The following LY86 variants were observed in gnomAD, a reference collection of about 807,000 sequenced individuals.
LY86 encodes the protein MD-1, RP105-associated.
Under a neutral mutation model 17.3 loss-of-function variants are expected in LY86, and 20 were observed. The observed-to-expected ratio is 1.15, with a 90% CI of 0.81 to 1.68. The LOEUF (loss-of-function observed/expected upper bound fraction) is 1.68, where lower values mean the gene tolerates loss of function less well. LY86 is among the 40% of genes most tolerant of loss of function. The probability of loss-of-function intolerance (pLI) is 0.00; values close to 1 mark genes in which losing one functional copy is unlikely to be tolerated. For synonymous variants in LY86, 74 were observed against 70.6 expected (o/e 1.05, Z -0.24); for missense variants, 200 against 191.9 (o/e 1.04, Z -0.25).
chr6:6,607,920 A>G (rs1761233357), intron 1 of LY86, among the ~76,000 whole-genome samples: 1 of 152,200 alleles, frequency 6.6e-6, no homozygotes, highest in Non-Finnish European at 1.5e-5. Flanking sequence ...AAATAAAAAA[A>G]TAAATCAGAA....
chr6:6,629,001 G>C (rs1460998718), intron 3 of LY86, among the ~76,000 whole-genome samples: 1 of 152,192 alleles, frequency 6.6e-6, no homozygotes, highest in East Asian at 1.9e-4. Flanking sequence ...GGTTTTAATA[G>C]GATTGATAAA....
intron 1 of LY86, among the ~76,000 whole-genome samples, chr6:6,601,586 G>A (rs982079679): frequency 5.9e-5 from 9 of 152,142 alleles, no homozygotes; most frequent in Non-Finnish European, 8.8e-5. Flanking sequence ...CAGGCGCAGT[G>A]GTGGGCACCT....
rs5874043 is a variant in LY86 at position 6,604,838 on chromosome 6, G to GAA, written c.136+15978_136+15979dup. Among the ~76,000 whole-genome samples the GAA allele has an allele frequency of 1.7e-3, 244 of 146,604 alleles. 1 individual carries two copies. The highest frequency in any genetic ancestry group is 2.6e-3 in the Admixed American group (39 of 14,822). On this transcript the variant is annotated intron_variant, in intron 1 of 4. Transcript: ENST00000230568. The stretch of plus-strand genomic sequence containing the variant: ...AGGATAAAACCACAAACCACCAAAG[G>GAA]AAAAAAAAAAATGGTAAAAGTTGCA...
chr6:6,599,800 C>T (rs1269307246), intron 1 of LY86, among the ~76,000 whole-genome samples: 1 of 152,208 alleles, frequency 6.6e-6, no homozygotes, highest in Non-Finnish European at 1.5e-5. Flanking sequence ...ACCAATGTGT[C>T]CTAACCATGG....
At chr6:6,640,482 G>T (rs147348355) in intron 3 of LY86, among the ~76,000 whole-genome samples, 37 of 152,228 alleles carry the variant, frequency 2.4e-4, no homozygotes, top group Admixed American at 2.4e-3. Flanking sequence ...AGCTACAGAG[G>T]CTGCGGCAGG....
intron 4 of LY86, among the ~76,000 whole-genome samples, chr6:6,650,532 A>G (rs1489381875): frequency 6.6e-6 from 1 of 152,124 alleles, no homozygotes. Context: ...ACAGGGTTTC[A>G]CCATATTGGC....
At chr6:6,616,670 C>T (rs1761562078) in intron 1 of LY86, among the ~76,000 whole-genome samples, 2 of 152,218 alleles carry the variant, frequency 1.3e-5, no homozygotes, top group South Asian at 4.1e-4. Flanking sequence ...CATCATATTC[C>T]ACAACATCAG....
intron 1 of LY86, among the ~76,000 whole-genome samples, chr6:6,613,063 C>T (rs1406963041): frequency 1.3e-5 from 2 of 152,088 alleles, no homozygotes; most frequent in East Asian, 3.9e-4. Flanking sequence ...TTCTCCAAGT[C>T]CCCACCAGAG....
chr6:6,621,468 G>A (rs1255025229), intron 1 of LY86: 1 of 152,208 alleles, frequency 6.6e-6, no homozygotes, highest in Non-Finnish European at 1.5e-5. Context: ...GATAGGTAAA[G>A]CCTGGAAATT....
At chr6:6,588,938 T>C in intron 1 of LY86, 68 bp downstream of exon 1, 7 of 1,542,188 alleles carry the variant, frequency 4.5e-6, no homozygotes, top group Non-Finnish European at 6.1e-6. Context: ...GAGCCGCTAG[T>C]GCTCAGTTGG....
intron 1 of LY86, among the ~76,000 whole-genome samples, chr6:6,618,673 A>G (rs1010478715): frequency 1.3e-5 from 2 of 152,230 alleles, no homozygotes; most frequent in African/African-American, 4.8e-5. Flanking sequence ...CACCGTTTAC[A>G]TATCTGAGAT....
At chr6:6,609,847 T>TA (rs1301777289) in intron 1 of LY86, among the ~76,000 whole-genome samples, 109 of 145,404 alleles carry the variant, frequency 7.5e-4, no homozygotes, top group African/African-American at 1.7e-3. Context: ...CATTAAAATT[T>TA]AAAAAAAAAA....
intron 3 of LY86, 51 bp from the exon 4 acceptor site, chr6:6,649,574 A>AT (rs1367031309): frequency 6.9e-6 from 8 of 1,166,250 alleles, no homozygotes; most frequent in South Asian, 2.6e-5. Context: ...TGAATGAATC[A>AT]TTTTTTTAAA....
intron 3 of LY86, among the ~76,000 whole-genome samples, chr6:6,629,947 G>A (rs1344830025): frequency 1.3e-5 from 2 of 152,196 alleles, no homozygotes; most frequent in African/African-American, 4.8e-5. Flanking sequence ...AAATATACTT[G>A]TAAGAATATT....
chr6:6,598,374 T>C (rs1046595152), intron 1 of LY86, among the ~76,000 whole-genome samples: 4 of 152,242 alleles, frequency 2.6e-5, no homozygotes, highest in Non-Finnish European at 4.4e-5. Context: ...CTGACATTTA[T>C]TTTTACCTAT....
chr6:6,611,663 G>C (rs1055853774), intron 1 of LY86, among the ~76,000 whole-genome samples: 1 of 152,174 alleles, frequency 6.6e-6, no homozygotes, highest in African/African-American at 2.4e-5. Flanking sequence ...TTCTCTCACC[G>C]CACCTTGTGG....
intron 4 of LY86, among the ~76,000 whole-genome samples, chr6:6,653,304 C>G (rs1762214566): frequency 1.3e-5 from 2 of 152,184 alleles, no homozygotes; most frequent in Non-Finnish European, 1.5e-5. Flanking sequence ...CTCCTTCCCT[C>G]TTGCTTTATA....
intron 1 of LY86, 86 bp from the exon 2 acceptor site, chr6:6,624,840 G>A (rs1311028915): frequency 1.1e-5 from 7 of 650,766 alleles, no homozygotes; most frequent in African/African-American, 1.9e-5. Flanking sequence ...AGCAATTCAT[G>A]TGAAAACAAT....
intron 1 of LY86, among the ~76,000 whole-genome samples, chr6:6,611,006 AG>A (rs572816455): frequency 7.2e-5 from 11 of 152,232 alleles, no homozygotes; most frequent in Admixed American, 2.0e-4. Flanking sequence ...ATAGAGGAAA[AG>A]AAAATTATCT....
Sources: gnomAD v4.1 joint callset for allele counts (sites outside exome capture counted in the v4.1 genomes callset) on GRCh38, gnomAD v4.1.1 for gene constraint, MANE v1.5 for transcripts, NCBI Gene and HGNC (gene_info 2026-07-23, HGNC 2026-07-21) for gene names.